The following SAFB variants were observed in gnomAD, a reference collection of about 807,000 sequenced individuals.
SAFB encodes scaffold attachment factor B1.
SAFB carries 15 observed loss-of-function variants against 101.6 expected under a neutral mutation model. The observed-to-expected ratio is 0.15, with a 90% CI of 0.10 to 0.23. The LOEUF (loss-of-function observed/expected upper bound fraction) is 0.23. SAFB is among the 10% of genes least tolerant of loss of function. The pLI is 1.00. For missense variants in SAFB, 930 were observed against 1,104.1 expected, an observed-to-expected ratio of 0.84 and a Z score of 2.23; for synonymous variants, 449 against 407.5, an observed-to-expected ratio of 1.10 and a Z score of -1.23.
At chr19:5,658,475 C>T (rs2054115748) in intron 14 of SAFB, among the ~76,000 whole-genome samples, 1 of 151,946 alleles carries the variant, frequency 6.6e-6, no homozygotes, top group African/African-American at 2.4e-5. Context: ...GGTGGATCAC[C>T]TGAGGTCAGG....
rs1376517954 is a variant in SAFB, at chr19:5,661,786, C to T, written c.2131C>T (p.Arg711Trp). The T allele has an allele frequency of 1.9e-6, 3 of 1,555,976 alleles. No individual in the cohort carries two copies. Among genetic ancestry groups the T allele is most frequent in the Non-Finnish European group, 1.7e-6 (2 of 1,152,330 alleles). The stretch of plus-strand genomic sequence containing the variant: ...TGAGCAGGAGCGGCGGCCCGCGGTG[C>T]GGCGGCCCTACGACCTGGACCGGTA... Reference protein sequence around the residue: ...RYEQERRPAVRRPYDLDRRDD... With the variant: ...RYEQERRPAVWRPYDLDRRDD... Residue 711 changes from arginine to tryptophan, a missense_variant, in exon 15 of 21, where the codon CGG (arginine) becomes TGG (tryptophan). By Grantham distance (101) the Arg-to-Trp change is moderately radical (BLOSUM62 -3). This residue lies in a region of SAFB where 318 missense variants were observed against 342.6 expected (regional missense o/e 0.93). Transcript: ENST00000588852.
intron 15 of SAFB, among the ~76,000 whole-genome samples, chr19:5,663,334 AGAG>A (rs1428862032): frequency 6.6e-6 from 1 of 152,204 alleles, no homozygotes; most frequent in Admixed American, 6.5e-5. Context: ...AACATACTGA[AGAG>A]GAGGTATGAA....
At chr19:5,647,866 C>A (rs1264990817) in intron 5 of SAFB, 150 bp from the exon 6 acceptor site, 1 of 727,798 alleles carries the variant, frequency 1.4e-6, no homozygotes, top group Non-Finnish European at 2.4e-6. Flanking sequence ...TGGAGCCATT[C>A]CTAGAACAAG....
chr19:5,661,565 G>T lies in SAFB; in HGVS notation c.1910G>T (p.Trp637Leu). 2 of 1,613,116 alleles carry T rather than the reference G, an allele frequency of 1.2e-6. No individual in the cohort carries two copies. The highest frequency in any genetic ancestry group is 8.5e-7 in the Non-Finnish European group (1 of 1,179,928). The change falls in exon 15 of 21, where the codon TGG becomes TTG. Residue 637 changes from tryptophan (W) to leucine (L), a missense_variant. By Grantham distance (61) the Trp-to-Leu change is moderately conservative. This residue lies in a region of SAFB where 159 missense variants were observed against 234.1 expected (regional missense o/e 0.68). Transcript: ENST00000588852. ...CGCGAACAACGCATGCAGGCGCAGTGGGAGCGCGAGGAGCGTGAGCGGCTG... is the reference window on the plus strand; with the variant it reads ...CGCGAACAACGCATGCAGGCGCAGTTGGAGCGCGAGGAGCGTGAGCGGCTG... ...SEREQRMQAQ[W>L]EREERERLEI...
At chr19:5,655,194 C>G (rs970593448) in intron 13 of SAFB, among the ~76,000 whole-genome samples, 1 of 152,092 alleles carries the variant, frequency 6.6e-6, no homozygotes, top group Non-Finnish European at 1.5e-5. Context: ...CATGGTGGCT[C>G]ATGCCTGTAA....
intron 12 of SAFB, 50 bp from the exon 13 acceptor site, chr19:5,654,318 A>C (rs776858938): frequency 5.0e-6 from 8 of 1,590,734 alleles, no homozygotes; most frequent in Admixed American, 1.7e-5. Flanking sequence ...GGTTTTTCTC[A>C]TCTGGGTATT....
At chr19:5,668,089 G>T in intron 20 of SAFB, 73 bp from the exon 21 acceptor site, 2 of 1,559,224 alleles carry the variant, frequency 1.3e-6, no homozygotes, top group South Asian at 2.4e-5. Context: ...AACACTCAGG[G>T]AAGCTGTGCA....
In SAFB at chr19:5,649,890, G is replaced by C. The variant is rs779244286; in HGVS notation, c.1149-36G>C. 9 of 1,591,498 alleles carry C rather than the reference G, an allele frequency of 5.7e-6. No homozygotes were observed. In the South Asian group the frequency reaches 6.6e-5, roughly 12 times the overall value. Reference sequence around the variant, plus strand: ...GTTTTGAGTTTGTTTCCTCCATGCTGCTTCCTTGTGGAGTGACATTGTCTT... The same window carrying C: ...GTTTTGAGTTTGTTTCCTCCATGCTCCTTCCTTGTGGAGTGACATTGTCTT... On this transcript the variant is annotated intron_variant, in intron 7 of 20. Coordinates refer to ENST00000588852, the MANE Select transcript of SAFB (RefSeq NM_001201338.2).
intron 14 of SAFB, among the ~76,000 whole-genome samples, chr19:5,658,899 C>A (rs2054130198): frequency 6.6e-6 from 1 of 151,454 alleles, no homozygotes; most frequent in African/African-American, 2.4e-5. Flanking sequence ...GTAATCCCAG[C>A]ACTTTGGGAG....
intron 14 of SAFB, 103 bp downstream of exon 14, chr19:5,657,450 T>C (rs924976369): frequency 2.8e-6 from 2 of 705,108 alleles, no homozygotes; most frequent in East Asian, 2.8e-5. Context: ...GATAGAGCTG[T>C]GAACCTTTTT....
intron 2 of SAFB, among the ~76,000 whole-genome samples, chr19:5,629,432 G>A (rs1173615432): frequency 2.0e-5 from 3 of 151,870 alleles, no homozygotes; most frequent in Non-Finnish European, 4.4e-5. Context: ...GGGGAAAAAA[G>A]TAAATATATA....
At chr19:5,636,831 C>T (rs1364985181) in intron 2 of SAFB, among the ~76,000 whole-genome samples, 1 of 151,818 alleles carries the variant, frequency 6.6e-6, no homozygotes, top group Non-Finnish European at 1.5e-5. Context: ...GTCTCAGCCT[C>T]CCGAGTAGCT....
chr19:5,654,863 C>T (rs750827381), intron 13 of SAFB, among the ~76,000 whole-genome samples: 1 of 152,378 alleles, frequency 6.6e-6, no homozygotes, highest in Non-Finnish European at 1.5e-5. Context: ...CCACTGCGCC[C>T]AGCCTCAAAT....
At chr19:5,666,044 A>G (rs1384656616) in intron 17 of SAFB, 1 of 152,188 alleles carries the variant, frequency 6.6e-6, no homozygotes, top group Non-Finnish European at 1.5e-5. Flanking sequence ...GAACTTGGAC[A>G]TGGACAACAA....
intron 1 of SAFB, among the ~76,000 whole-genome samples, 182 bp from the exon 2 acceptor site, chr19:5,626,223 G>T (rs1405953713): frequency 3.3e-5 from 5 of 152,158 alleles, no homozygotes; most frequent in Non-Finnish European, 5.9e-5. Context: ...AACTGGTGGC[G>T]TCAGTCGGTC....
At chr19:5,654,537 G>C in intron 13 of SAFB, 81 bp downstream of exon 13, 1 of 865,386 alleles carries the variant, frequency 1.2e-6, no homozygotes, top group Non-Finnish European at 1.9e-6. Flanking sequence ...GAATTACTAA[G>C]CTTCATTTGA....
At chr19:5,629,601 T>G (rs990458946) in intron 2 of SAFB, among the ~76,000 whole-genome samples, 1 of 152,210 alleles carries the variant, frequency 6.6e-6, no homozygotes, top group Non-Finnish European at 1.5e-5. Flanking sequence ...TTTGGAGATT[T>G]TTATTTCCAA....
chr19:5,623,274 G>A lies in SAFB; in HGVS notation c.69G>A (p.Ser23=). 5.6e-6 allele frequency: 9 copies of A among 1,609,070 alleles called. No individual in the cohort carries two copies. The highest frequency in any genetic ancestry group is 2.2e-5 in the South Asian group (2 of 90,406). The change falls in exon 1 of 21, where the codon TCG becomes TCA. Residue 23 remains serine, a synonymous_variant. Coordinates refer to ENST00000588852, the MANE Select transcript of SAFB (RefSeq NM_001201338.2). The part of the protein sequence containing the change: ...AAGAAALSSA[S]SETGTRRLSD... Reference sequence around the variant, plus strand: ...GCGCGGCGGCTCTGAGCTCCGCCTCGTCAGAGACCGGGACGCGGCGCCTCA... The same window carrying A: ...GCGCGGCGGCTCTGAGCTCCGCCTCATCAGAGACCGGGACGCGGCGCCTCA...
In SAFB at chr19:5,668,298, G is replaced by A. The variant is rs754253640; in HGVS notation, c.*7G>A. On this transcript the variant is annotated 3_prime_UTR_variant, in exon 21 of 21. Coordinates refer to ENST00000588852, the MANE Select transcript of SAFB (RefSeq NM_001201338.2). ...CTTCACTCGCCGCTACTGAGTACTT[G>A]GAATCCTGTGTCCTGTCTCGTGGCA... The A allele has an allele frequency of 8.1e-6, 13 of 1,610,426 alleles. No homozygotes were observed. Among genetic ancestry groups the A allele is most frequent in the Non-Finnish European group, 1.1e-5 (13 of 1,179,286 alleles).
Sources: allele counts gnomAD v4.1 joint callset (sites outside exome capture counted in the v4.1 genomes callset), GRCh38; gene constraint gnomAD v4.1.1; regional missense constraint gnomAD v4.1.1; transcripts MANE v1.5; gene names NCBI Gene and HGNC (gene_info 2026-07-23, HGNC 2026-07-21).